SSUH2: variants seen among roughly 807,000 people sequenced by gnomAD.
The protein encoded by SSUH2 is protein SSUH2 homolog.
Under a neutral mutation model 55.3 loss-of-function variants are expected in SSUH2, and 47 were observed. The observed-to-expected ratio is 0.85, with a 90% confidence interval of 0.67 to 1.08. SSUH2 has a LOEUF of 1.08. SSUH2 is among the 50% of genes least tolerant of loss of function. The pLI, the probability that SSUH2 is intolerant of heterozygous loss-of-function variation, is 0.00. For synonymous variants in SSUH2, 212 were observed against 191.5 expected, an observed-to-expected ratio of 1.11 and a Z score of -0.89; for missense variants, 535 against 490.7, an observed-to-expected ratio of 1.09 and a Z score of -0.85.
intron 3 of SSUH2, among the ~76,000 whole-genome samples, chr3:8,675,906 A>T (rs1265808839): frequency 6.6e-6 from 1 of 152,112 alleles, no homozygotes; most frequent in East Asian, 1.9e-4. Context: ...CTTTTAACCC[A>T]AACTGTGGGG....
intron 6 of SSUH2, among the ~76,000 whole-genome samples, 183 bp from the exon 7 acceptor site, chr3:8,629,909 T>C (rs554035283): frequency 2.6e-5 from 4 of 152,186 alleles, no homozygotes; most frequent in Non-Finnish European, 4.4e-5. Context: ...CAGGAGATCA[T>C]GTCACCATTT....
intron 1 of SSUH2, among the ~76,000 whole-genome samples, chr3:8,680,365 C>T (rs1212134108): frequency 1.3e-5 from 2 of 152,054 alleles, no homozygotes; most frequent in African/African-American, 4.8e-5. Flanking sequence ...AGACTGTTTA[C>T]CATATTGTGA....
intron 1 of SSUH2, among the ~76,000 whole-genome samples, chr3:8,641,375 A>G (rs1700812409): frequency 6.6e-6 from 1 of 152,204 alleles, no homozygotes; most frequent in Non-Finnish European, 1.5e-5. Flanking sequence ...GGGAGAAAAA[A>G]TCACTCAATT....
chr3:8,635,750 G>A lies in SSUH2; in HGVS notation c.127+9C>T, dbSNP rs760030982. The A allele has an allele frequency of 2.1e-5, 32 of 1,534,270 alleles. No homozygotes were observed. The highest frequency in any genetic ancestry group is 2.7e-5 in the Non-Finnish European group (31 of 1,145,962). On this transcript the variant is annotated intron_variant, in intron 2 of 11. Transcript: ENST00000544814. ...GAAGCCCAAAGAACCAAGCCCTCTT[G>A]GAACTTACTGCCCCCTTGAAGAAGC...
chr3:8,633,937 A>G, intron 3 of SSUH2, 142 bp from the exon 4 acceptor site: 1 of 1,613,948 alleles, frequency 6.2e-7, no homozygotes, highest in Non-Finnish European at 8.5e-7. Context: ...TGGGGAGGGC[A>G]TCTCCTGCAA....
Position 8,633,742 on chromosome 3 carries a change from T to C in SSUH2, c.263A>G (p.Asp88Gly). Residue 88 changes from aspartate (D) to glycine (G), a missense_variant, in exon 4 of 12, where the codon GAC becomes GGC. Coordinates refer to ENST00000544814, the MANE Select transcript of SSUH2 (RefSeq NM_001256748.3). ...CGTGCTGCTGTAGCAGCACTTAGAGTCCACAAAGCTGAGGAGGGCTTCCCG... is the reference window on the plus strand; with the variant it reads ...CGTGCTGCTGTAGCAGCACTTAGAGCCCACAAAGCTGAGGAGGGCTTCCCG... ...VAREALLSFV[D>G]SKCCYSSTVA... 2 of 1,600,626 alleles carry C rather than the reference T, an allele frequency of 1.2e-6. No individual in the cohort carries two copies. Among genetic ancestry groups the C allele is most frequent in the South Asian group, 1.1e-5 (1 of 90,118 alleles).
At chr3:8,644,001 G>A (rs1701313291) in intron 1 of SSUH2, among the ~76,000 whole-genome samples, 4 of 141,144 alleles carry the variant, frequency 2.8e-5, no homozygotes, top group Non-Finnish European at 4.8e-5. Context: ...CCCCGCCACC[G>A]GCAACCACCA....
chr3:8,653,482 T>C (rs753985108), intron 7 of SSUH2, among the ~76,000 whole-genome samples: 1 of 152,260 alleles, frequency 6.6e-6, no homozygotes, highest in Non-Finnish European at 1.5e-5. Context: ...CTCATCCTTT[T>C]TGTTAAGAAG....
intron 3 of SSUH2, among the ~76,000 whole-genome samples, chr3:8,675,210 T>C (rs1233389692): frequency 1.3e-5 from 2 of 151,996 alleles, no homozygotes; most frequent in African/African-American, 4.8e-5. Flanking sequence ...TGAAAGACGC[T>C]TTCTTTCCTA....
intron 1 of SSUH2, among the ~76,000 whole-genome samples, chr3:8,641,943 C>G (rs1439325739): frequency 6.6e-6 from 1 of 152,160 alleles, no homozygotes; most frequent in Non-Finnish European, 1.5e-5. Context: ...AGCACTGGGT[C>G]AGGGGTGGTG....
intron 1 of SSUH2, among the ~76,000 whole-genome samples, chr3:8,681,701 C>T (rs527865758): frequency 6.6e-6 from 1 of 151,854 alleles, no homozygotes; most frequent in East Asian, 2.0e-4. Context: ...CTTAGGACCC[C>T]CATCGCAGCG....
chr3:8,655,823 A>C (rs1702882601), intron 7 of SSUH2, among the ~76,000 whole-genome samples: 1 of 152,206 alleles, frequency 6.6e-6, no homozygotes, highest in South Asian at 2.1e-4. Flanking sequence ...GTAGAGCAGA[A>C]GACTCGGGAG....
intron 11 of SSUH2, among the ~76,000 whole-genome samples, chr3:8,620,677 C>A (rs140256467): frequency 1.3e-5 from 2 of 152,170 alleles, no homozygotes; most frequent in Non-Finnish European, 2.9e-5. Context: ...CCAGGGTGTA[C>A]GGAAAGTCAC....
intron 3 of SSUH2, chr3:8,672,138 G>A (rs886572742): frequency 3.5e-4 from 53 of 151,972 alleles, no homozygotes; most frequent in African/African-American, 1.2e-3. Flanking sequence ...ATCACTGGGG[G>A]CGTGTCCACC....
intron 3 of SSUH2, among the ~76,000 whole-genome samples, chr3:8,634,863 T>C (rs566384779): frequency 1.7e-4 from 26 of 152,268 alleles, no homozygotes; most frequent in African/African-American, 6.3e-4. Flanking sequence ...TTTCCGCGGA[T>C]CTAGACCAGG....
intron 1 of SSUH2, among the ~76,000 whole-genome samples, chr3:8,640,310 T>G (rs974667104): frequency 5.9e-5 from 9 of 152,270 alleles, no homozygotes; most frequent in Non-Finnish European, 1.3e-4. Context: ...AGAAGTTCTG[T>G]TTTTGCCACA....
In SSUH2 at chr3:8,677,861, A is replaced by C. The variant is rs1176471104; in HGVS notation, c.-900-508T>G. 1.3e-5 allele frequency among the ~76,000 whole-genome samples: 2 copies of C among 150,200 alleles called. 1 individual carries two copies. Among genetic ancestry groups the C allele is most frequent in the East Asian group, 4.1e-4 (2 of 4,836 alleles). On this transcript the variant is annotated intron_variant, in intron 2 of 18. Coordinates refer to the SSUH2 transcript ENST00000317371. ...CACCAGCTCTCAGGATCTGCGGTGG[A>C]CTCACAGCCTGTTTACCATATTGTG...
rs757266021 is a variant in SSUH2 at position 8,630,810 on chromosome 3, C to G, written c.520G>C (p.Val174Leu). 6 of 1,462,398 alleles carry G rather than the reference C, an allele frequency of 4.1e-6. No individual in the cohort carries two copies. Among genetic ancestry groups the G allele is most frequent in the Non-Finnish European group, 5.4e-6 (6 of 1,105,750 alleles). 90.6% of individuals were successfully genotyped at this position (1,462,398 alleles called of 1,614,324 possible). Residue 174 changes from valine to leucine, a missense_variant, in exon 6 of 12, where the codon GTC becomes CTC. Val to Leu is a conservative substitution (Grantham distance 32, BLOSUM62 1). Transcript: ENST00000544814. The stretch of plus-strand genomic sequence containing the variant: ...AATCGCGTTAATCGTATTACCTTGA[C>G]CAGTGACGAGTGAGGGACCTGGAAC... The part of the protein sequence containing the change: ...RKFQVPHSSL[V>L]KECHKCHGRG...
chr3:8,679,437 C>A (rs1339352778), intron 2 of SSUH2, among the ~76,000 whole-genome samples: 48 of 140,402 alleles, frequency 3.4e-4, no homozygotes, highest in Non-Finnish European at 4.7e-4. Flanking sequence ...TTAGGACCCC[C>A]ATCACAGCGG....
Sources: gnomAD v4.1 joint callset for allele counts (sites outside exome capture counted in the v4.1 genomes callset) on GRCh38, gnomAD v4.1.1 for gene constraint, MANE v1.5 for transcripts, NCBI Gene and HGNC (gene_info 2026-07-23, HGNC 2026-07-21) for gene names.